DPP6: variants seen among roughly 807,000 people sequenced by gnomAD.
DPP6 encodes dipeptidyl peptidase like 6.
Under a neutral mutation model 122.6 loss-of-function variants are expected in DPP6, and 69 were observed. The observed-to-expected ratio is 0.56, with a 90% CI of 0.46 to 0.69. DPP6 has a LOEUF of 0.69. Ranked by LOEUF, DPP6 falls within the 30% of genes least tolerant of loss-of-function variation. The pLI is 0.00. For missense variants in DPP6, 928 were observed against 1,116.9 expected, an observed-to-expected ratio of 0.83 and a Z score of 2.41; for synonymous variants, 418 against 433.1, an observed-to-expected ratio of 0.97 and a Z score of 0.43.
intron 3 of DPP6, among the ~76,000 whole-genome samples, chr7:154,490,367 C>T (rs1227751621): frequency 6.6e-6 from 1 of 152,232 alleles, no homozygotes; most frequent in African/African-American, 2.4e-5. Flanking sequence ...CCCGTGGCTA[C>T]ATCCAAAGCA....
intron 1 of DPP6, among the ~76,000 whole-genome samples, chr7:154,417,108 C>CT (rs749380621): frequency 6.6e-6 from 1 of 152,178 alleles, no homozygotes; most frequent in Non-Finnish European, 1.5e-5. Context: ...GATACTCAGC[C>CT]TATCACCCAG....
chr7:153,940,727 T>C (rs887014997), intron 1 of DPP6, among the ~76,000 whole-genome samples: 1 of 152,200 alleles, frequency 6.6e-6, no homozygotes, highest in South Asian at 2.1e-4. Context: ...AGAGCCCACC[T>C]GGGGACTAAG....
chr7:153,974,316 A>G (rs1047119725), intron 1 of DPP6, among the ~76,000 whole-genome samples: 18 of 151,976 alleles, frequency 1.2e-4, no homozygotes, highest in Admixed American at 8.5e-4. Context: ...TGCAGTGGCA[A>G]CTCTCTCGTT....
Position 154,481,910 on chromosome 7 carries a change from C to T in DPP6, c.457+6873C>T, listed in dbSNP as rs540650805. 5.9e-5 allele frequency among the ~76,000 whole-genome samples: 9 copies of T among 152,300 alleles called. No homozygotes were observed. Among genetic ancestry groups the T allele is most frequent in the East Asian group, 3.9e-4 (2 of 5,184 alleles). ...ATGTAAACTCCACAAGGATGGGACT[C>T]GCATCTCTGTTTACTGTGGTATCCC... On this transcript the variant is annotated intron_variant, in intron 3 of 25. Coordinates refer to ENST00000377770, the MANE Select transcript of DPP6 (RefSeq NM_130797.4). The surrounding 1 kb of genome is among the most constrained non-coding windows in gnomAD (Gnocchi z 4.2).
At chr7:154,338,195 C>G (rs1271552781) in intron 1 of DPP6, among the ~76,000 whole-genome samples, 4 of 152,142 alleles carry the variant, frequency 2.6e-5, no homozygotes, top group Non-Finnish European at 5.9e-5. Context: ...TGTACTCCAG[C>G]AGGACTGTCA....
Position 154,500,258 on chromosome 7 carries a change from C to T in DPP6, c.457+25221C>T, listed in dbSNP as rs146586164. ...TTATTATAGATAGTGGTGATGGTTG[C>T]ACAGCTGTGTGACCATTCTAAAAAA... On this transcript the variant is annotated intron_variant, in intron 3 of 25. Transcript: ENST00000377770. Among the ~76,000 whole-genome samples the T allele has an allele frequency of 8.5e-5, 13 of 152,266 alleles. No individual in the cohort carries two copies. In the East Asian group the frequency reaches 2.3e-3, roughly 27 times the overall value.
At chr7:154,725,333 T>C (rs1179014784) in intron 7 of DPP6, among the ~76,000 whole-genome samples, 1 of 152,190 alleles carries the variant, frequency 6.6e-6, no homozygotes, top group Non-Finnish European at 1.5e-5. Flanking sequence ...CAAGACTGGA[T>C]CATTTATAAA....
chr7:154,369,892 G>A (rs947992033), intron 1 of DPP6, among the ~76,000 whole-genome samples: 3 of 152,104 alleles, frequency 2.0e-5, no homozygotes, highest in Non-Finnish European at 4.4e-5. Flanking sequence ...TGTCCACCAG[G>A]TGTTTATTCA....
intron 1 of DPP6, among the ~76,000 whole-genome samples, chr7:153,946,637 G>A (rs4425667): frequency 0.016 from 2,472 of 152,178 alleles, 62 homozygotes; most frequent in African/African-American, 0.056. Context: ...AGCCCAGTAG[G>A]TCTCAGCCTT....
intron 5 of DPP6, among the ~76,000 whole-genome samples, chr7:154,608,923 C>T (rs1356404959): frequency 3.3e-5 from 5 of 152,050 alleles, no homozygotes; most frequent in East Asian, 3.9e-4. Flanking sequence ...GTTCCAGTCC[C>T]GTTTTCAAGA....
chr7:154,391,349 C>T (rs536210580), intron 1 of DPP6, among the ~76,000 whole-genome samples: 51 of 152,168 alleles, frequency 3.4e-4, no homozygotes, highest in Non-Finnish European at 7.2e-4. Flanking sequence ...TCTTCCCAGT[C>T]TGCATGGCTT....
chr7:154,804,840 A>G, intron 14 of DPP6, 77 bp from the exon 15 acceptor site: 1 of 1,547,254 alleles, frequency 6.5e-7, no homozygotes, highest in Non-Finnish European at 8.8e-7. Context: ...GAGTGTCCAT[A>G]GAGGTAGTGC....
chr7:154,600,521 G>A (rs78150924), intron 5 of DPP6, among the ~76,000 whole-genome samples: 4,402 of 120,820 alleles, frequency 0.036, 923 homozygotes, highest in African/African-American at 0.11. Flanking sequence ...CAGGCACCAT[G>A]TCAAAAACTT....
intron 1 of DPP6, among the ~76,000 whole-genome samples, chr7:154,144,985 G>T (rs1398654584): frequency 6.6e-6 from 1 of 151,858 alleles, no homozygotes; most frequent in Non-Finnish European, 1.5e-5. Flanking sequence ...AATCCACTTA[G>T]GCTGATGCAG....
chr7:154,886,661 G>C (rs115772911), intron 22 of DPP6, among the ~76,000 whole-genome samples: 2 of 152,216 alleles, frequency 1.3e-5, no homozygotes, highest in African/African-American at 4.8e-5. Context: ...GGAAATGGAG[G>C]GGGCTTCCTG....
intron 5 of DPP6, among the ~76,000 whole-genome samples, chr7:154,630,998 C>A (rs187427673): frequency 0.011 from 1,691 of 152,250 alleles, 23 homozygotes; most frequent in African/African-American, 0.038. Flanking sequence ...GAATGTATTT[C>A]ATTTTCAAAA....
At chr7:154,587,604 G>A in intron 5 of DPP6, 1 of 1,508,554 alleles carries the variant, frequency 6.6e-7, no homozygotes, top group Non-Finnish European at 8.9e-7. Flanking sequence ...CCATAGAAAT[G>A]GAATTGAGCT....
chr7:154,045,521 A>G (rs1394381873), intron 1 of DPP6, among the ~76,000 whole-genome samples: 2 of 152,240 alleles, frequency 1.3e-5, no homozygotes, highest in Admixed American at 1.3e-4. Flanking sequence ...TGCATTTCCA[A>G]CAAGTCCCTG....
intron 1 of DPP6, among the ~76,000 whole-genome samples, chr7:154,437,010 A>G (rs1298902466): frequency 6.6e-6 from 1 of 152,186 alleles, no homozygotes; most frequent in Non-Finnish European, 1.5e-5. Context: ...GCATGGCTAT[A>G]TGGCATTCTG....
Sources: allele counts gnomAD v4.1 joint callset (sites outside exome capture counted in the v4.1 genomes callset), GRCh38; gene constraint gnomAD v4.1.1; non-coding constraint Gnocchi (gnomAD v3.1); transcripts MANE v1.5; gene names NCBI Gene and HGNC (gene_info 2026-07-23, HGNC 2026-07-21).